CADM2: variants seen among roughly 807,000 people sequenced by gnomAD.
The protein encoded by CADM2 is cell adhesion molecule 2, also known as immunoglobulin superfamily member 4D.
Under a neutral mutation model 49.8 loss-of-function variants are expected in CADM2, and 12 were observed. That is an observed-to-expected ratio of 0.24 (90% CI 0.15 to 0.39). The LOEUF is 0.39. Ranked by LOEUF, CADM2 falls within the 10% of genes least tolerant of loss-of-function variation. CADM2 has a pLI of 1.00. For missense variants in CADM2, 378 were observed against 492.3 expected (o/e 0.77, Z 2.20); for synonymous variants, 214 against 175.4 (o/e 1.22, Z -1.74).
chr3:85,487,748 G>A (rs185146565), intron 1 of CADM2, among the ~76,000 whole-genome samples: 45 of 150,190 alleles, frequency 3.0e-4, no homozygotes, highest in Middle Eastern at 3.4e-3. Flanking sequence ...GCGTGTGTGC[G>A]TGTGTGTGCG....
intron 1 of CADM2, among the ~76,000 whole-genome samples, chr3:85,214,933 G>A (rs950531174): frequency 2.6e-5 from 4 of 152,066 alleles, no homozygotes; most frequent in African/African-American, 9.7e-5. Context: ...CCAGGAGGCT[G>A]TTTGGTGCTC....
At chr3:85,271,453 T>G (rs1163104794) in intron 1 of CADM2, among the ~76,000 whole-genome samples, 1 of 151,246 alleles carries the variant, frequency 6.6e-6, no homozygotes, top group Admixed American at 6.6e-5. Flanking sequence ...CATAGTATAA[T>G]TGGGTCATAA....
chr3:85,212,038 T>C (rs1014376966), intron 1 of CADM2, among the ~76,000 whole-genome samples: 4 of 152,182 alleles, frequency 2.6e-5, no homozygotes, highest in Non-Finnish European at 5.9e-5. Flanking sequence ...ATGACCTTCT[T>C]TGTCTCTTTT....
chr3:86,056,261 A>G (rs73843587), intron 8 of CADM2, among the ~76,000 whole-genome samples: 10,037 of 152,216 alleles, frequency 0.066, 888 homozygotes, highest in African/African-American at 0.2. Flanking sequence ...GGAGTTGTTC[A>G]GATTCTTCAG....
At chr3:85,649,333 G>C (rs541309644) in intron 1 of CADM2, among the ~76,000 whole-genome samples, 4 of 151,914 alleles carry the variant, frequency 2.6e-5, no homozygotes, top group Non-Finnish European at 5.9e-5. Flanking sequence ...TATTTATGTA[G>C]GACATCACTT....
At chr3:85,718,878 G>A (rs1370125306) in intron 1 of CADM2, among the ~76,000 whole-genome samples, 1 of 131,658 alleles carries the variant, frequency 7.6e-6, no homozygotes, top group Non-Finnish European at 1.6e-5. Flanking sequence ...GAAATTAATG[G>A]TATTTTATTA....
intron 1 of CADM2, among the ~76,000 whole-genome samples, chr3:85,419,458 GAAA>G (rs11350830): frequency 1.4e-5 from 2 of 144,152 alleles, no homozygotes. Context: ...ACTCCGTCTC[GAAA>G]AAAAAAAAAA....
intron 1 of CADM2, among the ~76,000 whole-genome samples, chr3:85,042,770 A>C (rs1427635462): frequency 6.6e-6 from 1 of 152,162 alleles, no homozygotes; most frequent in Non-Finnish European, 1.5e-5. Context: ...GATGTAAGAA[A>C]GGTATTATAA....
At chr3:85,096,193 C>T (rs983920852) in intron 1 of CADM2, among the ~76,000 whole-genome samples, 2 of 152,004 alleles carry the variant, frequency 1.3e-5, no homozygotes, top group Non-Finnish European at 2.9e-5. Context: ...CTATATTTAA[C>T]ATCAGAATAT....
chr3:85,593,438 A>G (rs2063161831), intron 1 of CADM2, among the ~76,000 whole-genome samples: 2 of 151,998 alleles, frequency 1.3e-5, no homozygotes, highest in Admixed American at 1.3e-4. Context: ...GTATCAGATT[A>G]TTATTAGTAC....
intron 8 of CADM2, among the ~76,000 whole-genome samples, chr3:86,028,285 A>G (rs540315761): frequency 6.6e-6 from 1 of 152,084 alleles, no homozygotes; most frequent in African/African-American, 2.4e-5. Context: ...TGCAATTCCT[A>G]TTGCAAAGGT....
intron 1 of CADM2, among the ~76,000 whole-genome samples, chr3:85,084,076 G>T (rs1018960180): frequency 1.3e-5 from 2 of 152,078 alleles, no homozygotes; most frequent in African/African-American, 4.8e-5. Flanking sequence ...AATAAGCTGC[G>T]TGATGTGAAA....
intron 1 of CADM2, among the ~76,000 whole-genome samples, chr3:85,474,378 G>A (rs1261505714): frequency 6.6e-6 from 1 of 151,778 alleles, no homozygotes; most frequent in Non-Finnish European, 1.5e-5. Flanking sequence ...GTTCTGTTGA[G>A]AACACCTGAC....
chr3:85,237,973 A>G (rs1022993071), intron 1 of CADM2, among the ~76,000 whole-genome samples: 2 of 151,840 alleles, frequency 1.3e-5, no homozygotes, highest in African/African-American at 4.8e-5. Context: ...ATTTGCTACT[A>G]TTGTTGTTTA....
At chr3:85,094,030 C>A (rs964058544) in intron 1 of CADM2, among the ~76,000 whole-genome samples, 6 of 151,940 alleles carry the variant, frequency 3.9e-5, no homozygotes, top group Non-Finnish European at 7.4e-5. Context: ...TAATAGGTTT[C>A]CATTTAAAAT....
rs959282238 is a variant in CADM2 at position 85,647,754 on chromosome 3, C to T, written c.62-78768C>T. Reference sequence around the variant, plus strand: ...AATTTTATTCAAATATTTTTGTGACCCCTACCCCTTATTAAAAAAATGAAA... The same window carrying T: ...AATTTTATTCAAATATTTTTGTGACTCCTACCCCTTATTAAAAAAATGAAA... On this transcript the variant is annotated intron_variant, in intron 1 of 9. Coordinates refer to ENST00000383699, the MANE Select transcript of CADM2 (RefSeq NM_001167675.2). Among the ~76,000 whole-genome samples the T allele has an allele frequency of 2.0e-5, 3 of 150,848 alleles. No individual in the cohort carries two copies. The South Asian group carries it at 6.3e-4, about 32-fold the overall frequency.
intron 3 of CADM2, 54 bp downstream of exon 3, chr3:85,802,250 C>A (rs1484538823): frequency 1.9e-5 from 28 of 1,455,212 alleles, no homozygotes; most frequent in Non-Finnish European, 2.1e-5. Flanking sequence ...ATCCTAATTA[C>A]AATAAATTTA....
intron 2 of CADM2, among the ~76,000 whole-genome samples, chr3:85,788,296 C>A (rs915491411): frequency 6.6e-6 from 1 of 152,024 alleles, no homozygotes; most frequent in Non-Finnish European, 1.5e-5. Context: ...ATAATATAAA[C>A]TGAAATTATA....
At chr3:85,371,981 T>A (rs2033273164) in intron 1 of CADM2, among the ~76,000 whole-genome samples, 10 of 151,828 alleles carry the variant, frequency 6.6e-5, no homozygotes, top group African/African-American at 2.2e-4. Flanking sequence ...AAGTTTTTTG[T>A]TCTCTCTGTC....
Sources: allele counts gnomAD v4.1 joint callset (sites outside exome capture counted in the v4.1 genomes callset), GRCh38; gene constraint gnomAD v4.1.1; transcripts MANE v1.5; gene names NCBI Gene and HGNC (gene_info 2026-07-23, HGNC 2026-07-21).